The following PPIG variants were observed in gnomAD, a reference collection of about 807,000 sequenced individuals.
PPIG encodes the protein peptidyl-prolyl cis-trans isomerase G.
Under a neutral mutation model 87.9 loss-of-function variants are expected in PPIG, and 26 were observed. That is an observed-to-expected ratio of 0.30 (90% CI 0.22 to 0.41). The LOEUF is 0.41. Ranked by LOEUF, PPIG falls within the 10% of genes least tolerant of loss-of-function variation. PPIG has a pLI of 1.00. For synonymous variants in PPIG, 308 were observed against 276.5 expected (o/e 1.11, Z -1.13); for missense variants, 722 against 879.4 (o/e 0.82, Z 2.26).
At chr2:169,585,706 G>A (rs1233719407) in intron 1 of PPIG, among the ~76,000 whole-genome samples, 1 of 152,150 alleles carries the variant, frequency 6.6e-6, no homozygotes, top group African/African-American at 2.4e-5. Context: ...CCAACATTTT[G>A]CAGTAGTGAA....
chr2:169,619,020 C>G (rs1173220974), intron 9 of PPIG, among the ~76,000 whole-genome samples: 1 of 152,092 alleles, frequency 6.6e-6, no homozygotes, highest in Non-Finnish European at 1.5e-5. Flanking sequence ...GCATTTAGTG[C>G]TATAAATTTC....
rs1685369824 is a variant in PPIG, at chr2:169,607,643, A to G, written c.289+495A>G. Among the ~76,000 whole-genome samples the G allele has an allele frequency of 2.0e-5, 3 of 152,190 alleles. 1 individual carries two copies. The highest frequency in any genetic ancestry group is 7.2e-5 in the African/African-American group (3 of 41,448). Reference sequence around the variant, plus strand: ...ATATTTAATGTGGAAATAATTTAATATTTTTCATCCTTCACTTTTGACATT... The same window carrying G: ...ATATTTAATGTGGAAATAATTTAATGTTTTTCATCCTTCACTTTTGACATT... On this transcript the variant is annotated intron_variant, in intron 6 of 13. Coordinates refer to ENST00000260970, the MANE Select transcript of PPIG (RefSeq NM_004792.3).
intron 1 of PPIG, among the ~76,000 whole-genome samples, chr2:169,592,788 T>A (rs1295368134): frequency 6.6e-6 from 1 of 152,216 alleles, no homozygotes; most frequent in Non-Finnish European, 1.5e-5. Flanking sequence ...AAATAGGATA[T>A]ACTGTTTCTG....
chr2:169,586,274 G>C (rs1308922579), intron 1 of PPIG, among the ~76,000 whole-genome samples: 1 of 152,172 alleles, frequency 6.6e-6, no homozygotes, highest in Non-Finnish European at 1.5e-5. Flanking sequence ...TAGGCAGTCA[G>C]TTGTCAGGAG....
rs1673600482 is a variant in PPIG, at chr2:169,641,070, T to C, written c.*3547T>C. On this transcript the variant is annotated 3_prime_UTR_variant, in exon 14 of 14. Transcript: ENST00000260970. ...CTGTATATTTTCTTCCCCTTTTGTG[T>C]GTATATAGTATTTTGAAAGATAAAT... is the stretch of plus-strand genomic sequence containing the variant. The C allele has an allele frequency of 6.6e-6, 1 of 152,178 alleles. No individual in the cohort carries two copies. The highest frequency in any genetic ancestry group is 1.5e-5 in the Non-Finnish European group (1 of 68,026). 9.4% of individuals were successfully genotyped at this position (152,178 alleles called of 1,614,324 possible).
At chr2:169,622,829 A>G (rs1162448748) in intron 9 of PPIG, among the ~76,000 whole-genome samples, 1 of 152,250 alleles carries the variant, frequency 6.6e-6, no homozygotes, top group African/African-American at 2.4e-5. Flanking sequence ...TCCACTTAGT[A>G]AGTTTGATGG....
At chr2:169,605,638 C>T (rs1457035646) in intron 4 of PPIG, among the ~76,000 whole-genome samples, 1 of 149,818 alleles carries the variant, frequency 6.7e-6, no homozygotes, top group Non-Finnish European at 1.5e-5. Context: ...TCAGTCTCTA[C>T]GAAAAAAAAA....
chr2:169,595,418 C>T (rs947862658), intron 1 of PPIG, among the ~76,000 whole-genome samples: 4 of 152,128 alleles, frequency 2.6e-5, no homozygotes, highest in Non-Finnish European at 5.9e-5. Context: ...ACAAACAATC[C>T]AGTTATACTC....
At chr2:169,615,047 GTTGT>G (rs961900867) in intron 9 of PPIG, among the ~76,000 whole-genome samples, 12 of 149,930 alleles carry the variant, frequency 8.0e-5, no homozygotes, top group South Asian at 2.1e-4. Context: ...TTTTTTTTTT[GTTGT>G]TTGTTTGTTT....
rs71006008 is a variant in PPIG, at chr2:169,604,327, G to GTTTT, written c.136+91_136+94dup. ...TGACTATGGCTTGCTTGCTTGCTTGGTTTTTTTTTTTTTTTTTTTTTTTTT... is the reference window on the plus strand; with the variant it reads ...TGACTATGGCTTGCTTGCTTGCTTGGTTTTTTTTTTTTTTTTTTTTTTTTTTTTT... On this transcript the variant is annotated intron_variant, in intron 4 of 13. Transcript: ENST00000260970. 1.7e-3 allele frequency: 600 copies of GTTTT among 347,164 alleles called. 21 individuals carry two copies. The highest frequency in any genetic ancestry group is 9.0e-3 in the African/African-American group (186 of 20,736). 21.5% of individuals were successfully genotyped at this position (347,164 alleles called of 1,614,324 possible).
intron 1 of PPIG, among the ~76,000 whole-genome samples, chr2:169,598,724 C>T (rs1685090056): frequency 6.6e-6 from 1 of 151,084 alleles, no homozygotes; most frequent in Admixed American, 6.6e-5. Context: ...TACAGGTATA[C>T]AGTGGTATAC....
At chr2:169,595,930 G>A (rs550024799) in intron 1 of PPIG, among the ~76,000 whole-genome samples, 10 of 149,292 alleles carry the variant, frequency 6.7e-5, no homozygotes, top group East Asian at 6.1e-4. Context: ...CAGCCTTCCC[G>A]AGTAGCTGGG....
At position 169,630,141 on chromosome 2, in the gene PPIG, GTT is replaced by G. The variant is rs58416282; in HGVS notation, c.548-621_548-620del. 1.7e-3 allele frequency among the ~76,000 whole-genome samples: 258 copies of G among 147,718 alleles called. 3 individuals are homozygous for G. In the East Asian group the frequency reaches 0.025, roughly 14 times the overall value. ...TATTAATTGATCCTTTAAACTCTGA[GTT>G]TTTTTTTTTTTACCCTTTTTAAAGT... On this transcript the variant is annotated intron_variant, in intron 9 of 13. Transcript: ENST00000260970.
At position 169,639,594 on chromosome 2, in the gene PPIG, AACTCCATGCTCCGC is replaced by A. The variant is rs1270835154; in HGVS notation, c.*2073_*2086del. 7.9e-5 allele frequency: 12 copies of A among 152,130 alleles called. No individual in the cohort carries two copies. Among genetic ancestry groups the A allele is most frequent in the Non-Finnish European group, 1.8e-4 (12 of 67,972 alleles). 9.4% of individuals were successfully genotyped at this position (152,130 alleles called of 1,614,324 possible). ...ATTCTGTTTGGGTTATCAAAAGAGC[AACTCCATGCTCCGC>A]ATTATTTATAGTCCTTATTTTAAAG... On this transcript the variant is annotated 3_prime_UTR_variant, in exon 14 of 14. Coordinates refer to ENST00000260970, the MANE Select transcript of PPIG (RefSeq NM_004792.3).
At chr2:169,629,957 C>T (rs532782047) in intron 9 of PPIG, among the ~76,000 whole-genome samples, 3 of 152,112 alleles carry the variant, frequency 2.0e-5, no homozygotes, top group South Asian at 2.1e-4. Flanking sequence ...TTGTAGTTCT[C>T]ATGTATATAT....
At chr2:169,635,103 A>G (rs1686147126) in intron 12 of PPIG, among the ~76,000 whole-genome samples, 1 of 152,188 alleles carries the variant, frequency 6.6e-6, no homozygotes, top group Non-Finnish European at 1.5e-5. Context: ...TTATTATGAA[A>G]ATAGTTTTGA....
At chr2:169,611,350 A>G (rs1158355628) in intron 7 of PPIG, among the ~76,000 whole-genome samples, 2 of 152,334 alleles carry the variant, frequency 1.3e-5, no homozygotes, top group East Asian at 1.9e-4. Context: ...TCTATAGTCA[A>G]CTTTTGGCTA....
rs1387962231 is a variant in PPIG at position 169,614,619 on chromosome 2, C to T, written c.442C>T (p.Gln148Ter). The T allele has an allele frequency of 6.2e-7, 1 of 1,611,394 alleles. No individual in the cohort carries two copies. Among genetic ancestry groups the T allele is most frequent in the Non-Finnish European group, 8.5e-7 (1 of 1,179,370 alleles). The change falls in exon 9 of 14, where the codon CAA (glutamine) becomes TAA (stop). Residue 148 changes from glutamine to a stop codon, truncating the protein, a stop_gained. Transcript: ENST00000260970. LOFTEE classifies it high-confidence loss of function. Reference protein sequence around the residue: ...HVVFGQVISGQEVVREIENQK... With the variant: ...HVVFGQVISG Reference sequence around the variant, plus strand: ...TGTTTTTGGACAAGTAATCTCTGGTCAAGAAGTTGTAAGAGAGATTGAAAA... The same window carrying T: ...TGTTTTTGGACAAGTAATCTCTGGTTAAGAAGTTGTAAGAGAGATTGAAAA...
intron 9 of PPIG, among the ~76,000 whole-genome samples, chr2:169,624,649 G>C (rs951448888): frequency 1.3e-5 from 2 of 152,158 alleles, no homozygotes. Context: ...GTGCAGTGGT[G>C]CGTTCTCGGC....
Sources: allele counts gnomAD v4.1 joint callset (sites outside exome capture counted in the v4.1 genomes callset), GRCh38; gene constraint gnomAD v4.1.1; transcripts MANE v1.5; gene names NCBI Gene and HGNC (gene_info 2026-07-23, HGNC 2026-07-21).